The following SEPTIN9 variants were observed in gnomAD, a reference collection of about 807,000 sequenced individuals.
The protein encoded by SEPTIN9 is septin-9.
Under a neutral mutation model 56.6 loss-of-function variants are expected in SEPTIN9, and 13 were observed. That is an observed-to-expected ratio of 0.23 (90% CI 0.15 to 0.37). SEPTIN9 has a LOEUF of 0.37. SEPTIN9 is among the 10% of genes least tolerant of loss of function. The pLI, the probability that SEPTIN9 is intolerant of heterozygous loss-of-function variation, is 1.00. For missense variants in SEPTIN9, 650 were observed against 823.1 expected (o/e 0.79, Z 2.57); for synonymous variants, 332 against 334.1 (o/e 0.99, Z 0.07).
intron 2 of SEPTIN9, among the ~76,000 whole-genome samples, chr17:77,387,313 T>TTCTCTGTG (rs757722978): frequency 4.6e-5 from 7 of 152,234 alleles, no homozygotes; most frequent in Non-Finnish European, 7.3e-5. Flanking sequence ...ACATGGCCTT[T>TTCTCTGTG]TCTCTGTGTC....
chr17:77,353,964 T>G (rs1319013834), intron 2 of SEPTIN9, among the ~76,000 whole-genome samples: 1 of 151,984 alleles, frequency 6.6e-6, no homozygotes, highest in African/African-American at 2.4e-5. Flanking sequence ...GTGAGACAGA[T>G]CCCTCTAGGC....
intron 2 of SEPTIN9, among the ~76,000 whole-genome samples, chr17:77,391,332 C>T (rs1221212572): frequency 1.3e-5 from 2 of 152,096 alleles, no homozygotes; most frequent in Non-Finnish European, 2.9e-5. Context: ...AGTGCCACAA[C>T]CTGGGGGCTT....
At chr17:77,289,596 C>T (rs555895369) in intron 1 of SEPTIN9, among the ~76,000 whole-genome samples, 4 of 149,962 alleles carry the variant, frequency 2.7e-5, no homozygotes, top group Non-Finnish European at 3.0e-5. Context: ...TTAGTACAGA[C>T]GGGGTGTCCC....
Position 77,310,694 on chromosome 17 carries a change from A to G in SEPTIN9, c.76+3497A>G, listed in dbSNP as rs898407921. 6.6e-6 allele frequency among the ~76,000 whole-genome samples: 1 copy of G among 151,782 alleles called. No homozygotes were observed. The highest frequency in any genetic ancestry group is 1.9e-4 in the East Asian group (1 of 5,140). ...CTGGTAGGCTCTCCCATGTTCGCTC[A>G]TTTTCTGTGCCTCAGGCAGCCGCCT... On this transcript the variant is annotated intron_variant, in intron 2 of 11. Transcript: ENST00000427177. The surrounding 1 kb of genome is among the most constrained non-coding windows in gnomAD (Gnocchi z 4.7).
chr17:77,350,632 T>TGTGTGTGC (rs2034028649), intron 2 of SEPTIN9, among the ~76,000 whole-genome samples: 1 of 151,984 alleles, frequency 6.6e-6, no homozygotes, highest in Non-Finnish European at 1.5e-5. Context: ...TGTGTGTGTG[T>TGTGTGTGC]GTGTGTCCCC....
intron 2 of SEPTIN9, among the ~76,000 whole-genome samples, chr17:77,360,757 G>C (rs936606280): frequency 3.3e-5 from 5 of 151,798 alleles, no homozygotes; most frequent in Non-Finnish European, 1.5e-5. Context: ...GTAGAGACGG[G>C]GTTTCACCGT....
chr17:77,413,072 C>T (rs952425548), intron 3 of SEPTIN9, among the ~76,000 whole-genome samples: 3 of 147,826 alleles, frequency 2.0e-5, no homozygotes, highest in Non-Finnish European at 3.0e-5. Flanking sequence ...CGAGCTTGGT[C>T]TGGAGCGGGT....
In SEPTIN9 at chr17:77,487,378, G is replaced by A; in HGVS notation, c.914-46G>A. On this transcript the variant is annotated intron_variant, in intron 4 of 11. Coordinates refer to ENST00000427177, the MANE Select transcript of SEPTIN9 (RefSeq NM_001113491.2). This position sits in a 1 kb window ranked among gnomAD's most constrained non-coding sequence, Gnocchi z 4.3. ...AGGGGCCCCATGTGCAGACCCTGCT[G>A]GTCTCTCCGGAGAGACCCCTGACCG... is the stretch of plus-strand genomic sequence containing the variant. The A allele has an allele frequency of 1.3e-6, 2 of 1,563,610 alleles. No individual in the cohort carries two copies. Among genetic ancestry groups the A allele is most frequent in the South Asian group, 1.2e-5 (1 of 84,956 alleles).
In SEPTIN9 at chr17:77,361,504, G is replaced by C. The variant is rs115370938; in HGVS notation, c.77-40555G>C. ...GGGATCGAGGGTGGGCATTAGGAAA[G>C]TGATGTGGCTCTATAGGAAGGGGAC... On this transcript the variant is annotated intron_variant, in intron 2 of 11. Transcript: ENST00000427177. 2.8e-3 allele frequency among the ~76,000 whole-genome samples: 428 copies of C among 152,290 alleles called. 1 individual carries two copies. Among genetic ancestry groups the C allele is most frequent in the African/African-American group, 9.9e-3 (412 of 41,556 alleles).
In SEPTIN9 at chr17:77,466,546, C is replaced by T. The variant is rs181839124; in HGVS notation, c.722-15598C>T. The T allele has an allele frequency of 2.8e-5, 28 of 985,510 alleles. No individual in the cohort carries two copies. In the East Asian group the frequency reaches 1.4e-3, roughly 48 times the overall value. 61.0% of individuals were successfully genotyped at this position (985,510 alleles called of 1,614,324 possible). A position where few individuals can be genotyped will look rare whatever the true frequency, so the allele number is the denominator to read the frequency against. On this transcript the variant is annotated intron_variant, in intron 3 of 11. Transcript: ENST00000427177. Reference sequence around the variant, plus strand: ...GCGGGCATTTCTTCCAGGAGGTCACCGTTGGAGTCCCACAGTAGGTCAACC... The same window carrying T: ...GCGGGCATTTCTTCCAGGAGGTCACTGTTGGAGTCCCACAGTAGGTCAACC...
chr17:77,285,353 G>A (rs757374735), intron 1 of SEPTIN9, among the ~76,000 whole-genome samples: 2 of 152,144 alleles, frequency 1.3e-5, no homozygotes, highest in African/African-American at 2.4e-5. Flanking sequence ...CTGAGGTTGC[G>A]TCACACCCCT....
chr17:77,282,519 G>A (rs2143468827), intron 1 of SEPTIN9, among the ~76,000 whole-genome samples: 1 of 152,318 alleles, frequency 6.6e-6, no homozygotes, highest in South Asian at 2.1e-4. Flanking sequence ...TTAGTTGGAG[G>A]TGAAGGAGTC....
chr17:77,459,281 C>T (rs2144485036), intron 3 of SEPTIN9, among the ~76,000 whole-genome samples: 1 of 152,346 alleles, frequency 6.6e-6, no homozygotes, highest in South Asian at 2.1e-4. Flanking sequence ...CTGCCTGGTG[C>T]CACCTCCCCA....
At chr17:77,331,744 G>A (rs1408475778) in intron 2 of SEPTIN9, among the ~76,000 whole-genome samples, 1 of 152,182 alleles carries the variant, frequency 6.6e-6, no homozygotes, top group Non-Finnish European at 1.5e-5. Context: ...GAGGGCAGAT[G>A]ACCAGCCCCC....
At position 77,456,449 on chromosome 17, in the gene SEPTIN9, C is replaced by A. The variant is rs1370409832; in HGVS notation, c.722-25695C>A. ...ACGCTGTGCTAATGGATTGCTGTTACCTGTCGCCTCTGTGGTTTTGCTGTC... is the reference window on the plus strand; with the variant it reads ...ACGCTGTGCTAATGGATTGCTGTTAACTGTCGCCTCTGTGGTTTTGCTGTC... On this transcript the variant is annotated intron_variant, in intron 3 of 11. Transcript: ENST00000427177. This position sits in a 1 kb window ranked among gnomAD's most constrained non-coding sequence, Gnocchi z 6.0. 1 of 152,430 alleles carries A rather than the reference C, an allele frequency of 6.6e-6. No homozygotes were observed. Among genetic ancestry groups the A allele is most frequent in the Non-Finnish European group, 1.5e-5 (1 of 68,202 alleles). The allele number at this position is 152,430 out of a possible 1,614,324, so 9.4% of individuals were successfully genotyped here. A position where few individuals can be genotyped will look rare whatever the true frequency, so the allele number is the denominator to read the frequency against.
rs1170103019 is a variant in SEPTIN9 at position 77,405,027 on chromosome 17, C to G, written c.721+2324C>G. 3.3e-6 allele frequency: 5 copies of G among 1,505,660 alleles called. No homozygotes were observed. Among genetic ancestry groups the G allele is most frequent in the Non-Finnish European group, 3.6e-6 (4 of 1,122,766 alleles). 93.3% of individuals were successfully genotyped at this position (1,505,660 alleles called of 1,614,324 possible). ...CCCATCCTGGGTTGATGTGTTCACA[C>G]TCAGCTGAGTCAAACAGGATGTGGC... On this transcript the variant is annotated intron_variant, in intron 3 of 11. Transcript: ENST00000427177. This position sits in a 1 kb window ranked among gnomAD's most constrained non-coding sequence, Gnocchi z 5.8.
At chr17:77,479,792 G>T (rs115630269) in intron 3 of SEPTIN9, among the ~76,000 whole-genome samples, 18 of 152,042 alleles carry the variant, frequency 1.2e-4, no homozygotes, top group East Asian at 2.0e-4. Context: ...AGGTGGGGGC[G>T]GGTAGGGGCT....
At chr17:77,376,091 G>A (rs935641851) in intron 2 of SEPTIN9, 12 of 986,172 alleles carry the variant, frequency 1.2e-5, no homozygotes, top group Non-Finnish European at 1.3e-5. Flanking sequence ...AAGTCAGTAT[G>A]GAGGAGGCGG....
At position 77,371,078 on chromosome 17, in the gene SEPTIN9, T is replaced by C. The variant is rs1358475766; in HGVS notation, c.77-30981T>C. ...TAGAGCAGTTGGTTAGATACGAGGG[T>C]GAACTTCCTGGCTGGGAGTATGGCC... On this transcript the variant is annotated intron_variant, in intron 2 of 11. Transcript: ENST00000427177. This position sits in a 1 kb window ranked among gnomAD's most constrained non-coding sequence, Gnocchi z 4.1. Among the ~76,000 whole-genome samples the C allele has an allele frequency of 6.6e-6, 1 of 152,072 alleles. No homozygotes were observed. The highest frequency in any genetic ancestry group is 1.5e-5 in the Non-Finnish European group (1 of 68,018).
Sources: gnomAD v4.1 joint callset for allele counts (sites outside exome capture counted in the v4.1 genomes callset) on GRCh38, gnomAD v4.1.1 for gene constraint, Gnocchi (gnomAD v3.1) non-coding constraint, MANE v1.5 for transcripts, NCBI Gene and HGNC (gene_info 2026-07-23, HGNC 2026-07-21) for gene names.